ALK: variants seen among roughly 807,000 people sequenced by gnomAD.
ALK encodes ALK receptor tyrosine kinase.
Under a neutral mutation model 163.1 loss-of-function variants are expected in ALK, and 74 were observed. The ratio of observed to expected loss-of-function variants is 0.45; its 90% CI spans 0.38 to 0.55. The LOEUF (loss-of-function observed/expected upper bound fraction) is 0.55, where lower values mean the gene tolerates loss of function less well. Among genes scored for constraint, ALK ranks in the 20% least tolerant of loss-of-function variants. The pLI is 0.00. For synonymous variants in ALK, 960 were observed against 843.2 expected, an observed-to-expected ratio of 1.14 and a Z score of -2.40; for missense variants, 2,063 against 2,105.3, an observed-to-expected ratio of 0.98 and a Z score of 0.39.
chr2:29,362,645 A>C (rs533754672), intron 5 of ALK, among the ~76,000 whole-genome samples: 1 of 152,308 alleles, frequency 6.6e-6, no homozygotes, highest in African/African-American at 2.4e-5. Flanking sequence ...TCCTTCACAC[A>C]GTCACTGCAT....
chr2:29,442,594 T>TG (rs950361579), intron 4 of ALK, among the ~76,000 whole-genome samples: 14 of 152,254 alleles, frequency 9.2e-5, no homozygotes, highest in African/African-American at 2.9e-4. Context: ...GCTTTTTCAC[T>TG]GGTAAAAATG....
At chr2:29,425,228 C>A (rs1487058285) in intron 4 of ALK, among the ~76,000 whole-genome samples, 1 of 152,140 alleles carries the variant, frequency 6.6e-6, no homozygotes, top group East Asian at 1.9e-4. Context: ...ACATTGGGAC[C>A]ATGACCTGCT....
At chr2:29,230,245 A>C (rs1473507046) in intron 15 of ALK, among the ~76,000 whole-genome samples, 1 of 151,860 alleles carries the variant, frequency 6.6e-6, no homozygotes, top group Non-Finnish European at 1.5e-5. Context: ...TTATTGTATT[A>C]TTTAGGGAAT....
intron 1 of ALK, among the ~76,000 whole-genome samples, chr2:29,820,450 A>T (rs1247963252): frequency 6.6e-6 from 1 of 152,158 alleles, no homozygotes; most frequent in Non-Finnish European, 1.5e-5. Flanking sequence ...CCCAAACTAT[A>T]ATGTCACAGA....
chr2:29,858,282 G>A (rs534488271), intron 1 of ALK, among the ~76,000 whole-genome samples: 1 of 152,088 alleles, frequency 6.6e-6, no homozygotes, highest in East Asian at 1.9e-4. Context: ...TTTTAATAAT[G>A]TTACATAAAT....
intron 3 of ALK, among the ~76,000 whole-genome samples, chr2:29,589,857 T>A (rs1384837304): frequency 6.6e-6 from 1 of 152,010 alleles, no homozygotes; most frequent in Non-Finnish European, 1.5e-5. Context: ...GCCAAGGGAG[T>A]GGGTATCCCT....
At chr2:29,434,372 C>T (rs1670348092) in intron 4 of ALK, among the ~76,000 whole-genome samples, 3 of 152,140 alleles carry the variant, frequency 2.0e-5, no homozygotes, top group Admixed American at 2.0e-4. Context: ...TCCCGGGGCC[C>T]ACTCCCACGC....
In ALK at chr2:29,900,116, G is replaced by A. The variant is rs144926988; in HGVS notation, c.667+19877C>T. On this transcript the variant is annotated intron_variant, in intron 1 of 28. Transcript: ENST00000389048. ...AGCATTTTAAGGGGCTCTGGCCCACGCCAATTTCCCTGTCTTGCCCAGATG... is the reference window on the plus strand; with the variant it reads ...AGCATTTTAAGGGGCTCTGGCCCACACCAATTTCCCTGTCTTGCCCAGATG... Among the ~76,000 whole-genome samples, 743 of 152,370 alleles carry A rather than the reference G, an allele frequency of 4.9e-3. 6 individuals are homozygous for A. Among genetic ancestry groups the A allele is most frequent in the African/African-American group, 0.017 (702 of 41,588 alleles).
intron 4 of ALK, among the ~76,000 whole-genome samples, chr2:29,472,520 A>G (rs1671372164): frequency 6.6e-6 from 1 of 152,226 alleles, no homozygotes; most frequent in South Asian, 2.1e-4. Flanking sequence ...CCTTTGAATT[A>G]AGGAAGAAGA....
intron 1 of ALK, among the ~76,000 whole-genome samples, chr2:29,738,757 T>A (rs1344361616): frequency 6.6e-6 from 1 of 152,078 alleles, no homozygotes; most frequent in Non-Finnish European, 1.5e-5. Context: ...AGGAACACCA[T>A]GCCATGAGCC....
intron 3 of ALK, among the ~76,000 whole-genome samples, chr2:29,691,221 C>G (rs1678386119): frequency 6.6e-6 from 1 of 152,218 alleles, no homozygotes; most frequent in East Asian, 1.9e-4. Context: ...ATTACTGAAG[C>G]AGTGGATTTT....
intron 3 of ALK, among the ~76,000 whole-genome samples, chr2:29,619,426 C>T (rs928668925): frequency 1.8e-4 from 28 of 152,284 alleles, no homozygotes; most frequent in South Asian, 4.1e-4. Flanking sequence ...GTTCTTTGAG[C>T]GTGTGAGCCC....
chr2:29,500,716 T>C (rs952122246), intron 4 of ALK, among the ~76,000 whole-genome samples: 1 of 152,144 alleles, frequency 6.6e-6, no homozygotes, highest in Non-Finnish European at 1.5e-5. Context: ...CATGTTCCTC[T>C]GGCCTGTGCT....
intron 5 of ALK, among the ~76,000 whole-genome samples, chr2:29,375,797 A>G (rs1026382569): frequency 6.6e-6 from 1 of 152,180 alleles, no homozygotes; most frequent in African/African-American, 2.4e-5. Context: ...CTTTCTGAGA[A>G]AGGAATGTTG....
intron 1 of ALK, among the ~76,000 whole-genome samples, chr2:29,813,714 A>G (rs550191032): frequency 1.5e-4 from 23 of 152,298 alleles, no homozygotes; most frequent in African/African-American, 5.5e-4. Flanking sequence ...ACTCTACAGC[A>G]TCCACATCTG....
chr2:29,216,919 TTA>T (rs1213733503), intron 23 of ALK, among the ~76,000 whole-genome samples: 1 of 59,348 alleles, frequency 1.7e-5, no homozygotes, highest in African/African-American at 5.1e-5. Flanking sequence ...GTATATGTCT[TTA>T]TGGTGTGTGG....
intron 23 of ALK, among the ~76,000 whole-genome samples, chr2:29,216,481 C>CATT (rs1435813574): frequency 6.6e-6 from 1 of 152,140 alleles, no homozygotes; most frequent in Non-Finnish European, 1.5e-5. Context: ...TCTCTCTGGG[C>CATT]ATTAACTCAC....
intron 1 of ALK, among the ~76,000 whole-genome samples, chr2:29,731,089 A>G (rs538230021): frequency 6.6e-6 from 1 of 152,326 alleles, no homozygotes; most frequent in African/African-American, 2.4e-5. Context: ...AGCGCCTCAG[A>G]AAGTTTCCTT....
At chr2:29,811,996 T>C (rs1377801752) in intron 1 of ALK, among the ~76,000 whole-genome samples, 1 of 152,200 alleles carries the variant, frequency 6.6e-6, no homozygotes, top group Non-Finnish European at 1.5e-5. Flanking sequence ...ATGGCAAAGA[T>C]GACAAGGTAA....
Sources: gnomAD v4.1 joint callset for allele counts (sites outside exome capture counted in the v4.1 genomes callset) on GRCh38, gnomAD v4.1.1 for gene constraint, MANE v1.5 for transcripts, NCBI Gene and HGNC (gene_info 2026-07-23, HGNC 2026-07-21) for gene names.